Variants in DGKD observed in about 807,000 individuals in gnomAD.
DGKD encodes the protein DAG kinase delta.
A neutral mutation model predicts 154.4 loss-of-function variants in DGKD; 68 were observed. That is an observed-to-expected ratio of 0.44 (90% CI 0.36 to 0.54). The LOEUF (loss-of-function observed/expected upper bound fraction) is 0.54, where lower values mean the gene tolerates loss of function less well. DGKD is among the 20% of genes least tolerant of loss of function. The pLI is 0.00. For missense variants in DGKD, 1,343 were observed against 1,593.6 expected (o/e 0.84, Z 2.68); for synonymous variants, 693 against 638.0 (o/e 1.09, Z -1.30).
intron 1 of DGKD, among the ~76,000 whole-genome samples, chr2:233,360,689 A>G (rs1000743942): frequency 1.3e-5 from 2 of 152,222 alleles, no homozygotes; most frequent in Admixed American, 6.5e-5. Context: ...GTGCCTGGCT[A>G]ATTAAAGATT....
At chr2:233,435,291 A>G (rs1369172499) in intron 5 of DGKD, among the ~76,000 whole-genome samples, 1 of 152,198 alleles carries the variant, frequency 6.6e-6, no homozygotes, top group Admixed American at 6.5e-5. Context: ...GGGTTTGGGC[A>G]AGGGCATTCA....
chr2:233,373,333 C>T (rs112570390), intron 1 of DGKD, among the ~76,000 whole-genome samples: 11 of 152,224 alleles, frequency 7.2e-5, no homozygotes, highest in African/African-American at 2.4e-5. Context: ...TATTGTGGGT[C>T]GGGTTAGGTG....
intron 1 of DGKD, among the ~76,000 whole-genome samples, chr2:233,383,044 C>CTTTCT (rs1553623073): frequency 7.1e-6 from 1 of 141,562 alleles, no homozygotes; most frequent in African/African-American, 2.6e-5. Context: ...TTCTTTCTTT[C>CTTTCT]TTTTTTTTTT....
At chr2:233,393,848 A>G (rs1306466746) in intron 3 of DGKD, among the ~76,000 whole-genome samples, 2 of 150,484 alleles carry the variant, frequency 1.3e-5, no homozygotes, top group African/African-American at 4.9e-5. Flanking sequence ...TGCCCAGCTA[A>G]TTTTTTTATT....
In DGKD at chr2:233,437,418, A is replaced by G. The variant is rs2062735621; in HGVS notation, c.861A>G (p.Pro287=). 2 of 1,614,118 alleles carry G rather than the reference A, an allele frequency of 1.2e-6. No homozygotes were observed. The highest frequency in any genetic ancestry group is 1.3e-5 in the African/African-American group (1 of 74,940). ...AAGAATCCTTGCTGACCAAGTGCCC[A>G]CTTGGCCTGTGCAAAGTGTCAGTCA... ...SCKESLLTKC[P]LGLCKVSVIP... Residue 287 remains proline (P), a synonymous_variant, in exon 8 of 30, where the codon CCA becomes CCG. Transcript: ENST00000264057.
At chr2:233,460,114 C>A in intron 23 of DGKD, 80 bp from the exon 24 acceptor site, 1 of 1,546,660 alleles carries the variant, frequency 6.5e-7, no homozygotes, top group Non-Finnish European at 8.7e-7. Flanking sequence ...GTTGTGATCT[C>A]GTTGGCATCC....
intron 1 of DGKD, 165 bp from the exon 2 acceptor site, chr2:233,388,092 G>A: frequency 6.9e-7 from 1 of 1,440,724 alleles, no homozygotes; most frequent in Non-Finnish European, 9.2e-7. Flanking sequence ...CATGCCCCCG[G>A]CAGCGTGCTG....
intron 2 of DGKD, chr2:233,388,779 T>G (rs1408033834): frequency 6.7e-6 from 1 of 149,518 alleles, no homozygotes; most frequent in Non-Finnish European, 1.5e-5. Flanking sequence ...GGAGTCTTGC[T>G]TTGTCGTCCA....
chr2:233,363,412 AGT>A (rs1220872146), intron 1 of DGKD, among the ~76,000 whole-genome samples: 11 of 152,240 alleles, frequency 7.2e-5, no homozygotes, highest in Admixed American at 7.2e-4. Flanking sequence ...ACAAGTGTAC[AGT>A]GTGTGTTTCA....
chr2:233,459,681 A>G lies in DGKD; in HGVS notation c.2695-76A>G. The G allele has an allele frequency of 1.9e-6, 3 of 1,556,096 alleles. No homozygotes were observed. The highest frequency in any genetic ancestry group is 2.4e-5 in the South Asian group (2 of 82,452). ...GACGGGTGTGTGGAGCAGGAAGGTC[A>G]TGGTGGTGCTGATAGCACTTTTAAA... is the stretch of plus-strand genomic sequence containing the variant. On this transcript the variant is annotated intron_variant, in intron 22 of 29. Transcript: ENST00000264057. This position sits in a 1 kb window ranked among gnomAD's most constrained non-coding sequence, Gnocchi z 5.7.
Position 233,465,982 on chromosome 2 carries a change from C to T in DGKD, c.3307-1104C>T, listed in dbSNP as rs559747118. Among the ~76,000 whole-genome samples the T allele has an allele frequency of 2.6e-5, 4 of 152,206 alleles. No individual in the cohort carries two copies. In the South Asian group the frequency reaches 8.3e-4, roughly 32 times the overall value. On this transcript the variant is annotated intron_variant, in intron 27 of 29. Transcript: ENST00000264057. Reference sequence around the variant, plus strand: ...AAATGATAAAAAGAGGATCACTTTACATTGGTAAAATACAATAATTGTTAT... The same window carrying T: ...AAATGATAAAAAGAGGATCACTTTATATTGGTAAAATACAATAATTGTTAT...
chr2:233,385,712 G>A (rs1009772596), intron 1 of DGKD, among the ~76,000 whole-genome samples: 2 of 152,112 alleles, frequency 1.3e-5, no homozygotes, highest in Non-Finnish European at 2.9e-5. Context: ...ACATTATTTT[G>A]GGGTGTTATT....
In DGKD at chr2:233,445,490, G is replaced by A; in HGVS notation, c.1195-133G>A. 3.2e-6 allele frequency: 4 copies of A among 1,265,784 alleles called. No individual in the cohort carries two copies. Among genetic ancestry groups the A allele is most frequent in the Non-Finnish European group, 2.1e-6 (2 of 937,674 alleles). 78.4% of individuals were successfully genotyped at this position (1,265,784 alleles called of 1,614,324 possible). On this transcript the variant is annotated intron_variant, in intron 10 of 29. Coordinates refer to ENST00000264057, the MANE Select transcript of DGKD (RefSeq NM_152879.3). This position sits in a 1 kb window ranked among gnomAD's most constrained non-coding sequence, Gnocchi z 5.5. ...AGTGGGCTCTGCCTGTAATGTGTAA[G>A]CTGCGTGGTTTTAGGTCACGTCCCC...
intron 1 of DGKD, among the ~76,000 whole-genome samples, chr2:233,369,647 G>C (rs768536254): frequency 6.6e-6 from 1 of 152,150 alleles, no homozygotes; most frequent in Admixed American, 6.5e-5. Flanking sequence ...GCCAGGCTGC[G>C]GGTTTGAATT....
Position 233,459,235 on chromosome 2 carries a change from C to T in DGKD, c.2695-522C>T, listed in dbSNP as rs1283947164. Reference sequence around the variant, plus strand: ...GGCGGGGGAGGGTGCTGATGACACCCACTGGCTGAACCCCACCCTGCGACT... The same window carrying T: ...GGCGGGGGAGGGTGCTGATGACACCTACTGGCTGAACCCCACCCTGCGACT... On this transcript the variant is annotated intron_variant, in intron 22 of 29. Coordinates refer to ENST00000264057, the MANE Select transcript of DGKD (RefSeq NM_152879.3). This position sits in a 1 kb window ranked among gnomAD's most constrained non-coding sequence, Gnocchi z 5.7. Among the ~76,000 whole-genome samples, 1 of 152,160 alleles carries T rather than the reference C, an allele frequency of 6.6e-6. No individual in the cohort carries two copies. The highest frequency in any genetic ancestry group is 1.5e-5 in the Non-Finnish European group (1 of 68,034).
In DGKD at chr2:233,452,817, G is replaced by C. The variant is rs1046701600; in HGVS notation, c.2264+757G>C. 1.3e-5 allele frequency among the ~76,000 whole-genome samples: 2 copies of C among 152,216 alleles called. No individual in the cohort carries two copies. The highest frequency in any genetic ancestry group is 4.8e-5 in the African/African-American group (2 of 41,448). ...GCTGATTGCAGGTTCTGGGCAGCTG[G>C]TGGCAGTTGGTTAAATGTGGCCAGC... On this transcript the variant is annotated intron_variant, in intron 18 of 29. Transcript: ENST00000264057. The surrounding 1 kb of genome is among the most constrained non-coding windows in gnomAD (Gnocchi z 4.0).
At chr2:233,413,407 T>G (rs914183808) in intron 3 of DGKD, among the ~76,000 whole-genome samples, 1 of 152,168 alleles carries the variant, frequency 6.6e-6, no homozygotes, top group African/African-American at 2.4e-5. Flanking sequence ...GATTTTTTTT[T>G]TTTAATGTTC....
chr2:233,434,104 C>T (rs1040325717), intron 3 of DGKD, among the ~76,000 whole-genome samples: 2 of 152,204 alleles, frequency 1.3e-5, no homozygotes, highest in Non-Finnish European at 2.9e-5. Flanking sequence ...TTAGGGTTTA[C>T]TACTGTGTCT....
rs1451011712 is a variant in DGKD at position 233,449,776 on chromosome 2, C to G, written c.1889-206C>G. Among the ~76,000 whole-genome samples, 31 of 152,132 alleles carry G rather than the reference C, an allele frequency of 2.0e-4. No individual in the cohort carries two copies. The highest frequency in any genetic ancestry group is 4.1e-4 in the Non-Finnish European group (28 of 68,014). ...TTCCCCTGCAAGGGTTCCAGACCTC[C>G]CAGCCTGTTAGCAGGGACGCCCTGC... On this transcript the variant is annotated intron_variant, in intron 15 of 29. Coordinates refer to ENST00000264057, the MANE Select transcript of DGKD (RefSeq NM_152879.3). The surrounding 1 kb of genome is among the most constrained non-coding windows in gnomAD (Gnocchi z 5.3).
Sources: gnomAD v4.1 joint callset for allele counts (sites outside exome capture counted in the v4.1 genomes callset) on GRCh38, gnomAD v4.1.1 for gene constraint, Gnocchi (gnomAD v3.1) non-coding constraint, MANE v1.5 for transcripts, NCBI Gene and HGNC (gene_info 2026-07-23, HGNC 2026-07-21) for gene names.